ATG13: variants seen among roughly 807,000 people sequenced by gnomAD.
ATG13 encodes autophagy-related protein 13.
In ATG13, 23 loss-of-function variants were observed where a neutral mutation model predicts 65.5. That is an observed-to-expected ratio of 0.35 (90% CI 0.25 to 0.50). The LOEUF (loss-of-function observed/expected upper bound fraction) is 0.50, where lower values mean the gene tolerates loss of function less well. ATG13 is among the 20% of genes least tolerant of loss of function. The pLI is 0.98. For missense variants in ATG13, 566 were observed against 677.0 expected (o/e 0.84, Z 1.82); for synonymous variants, 252 against 245.2 (o/e 1.03, Z -0.26).
chr11:46,667,545 A>G (rs1252464115), intron 14 of ATG13, among the ~76,000 whole-genome samples: 1 of 152,186 alleles, frequency 6.6e-6, no homozygotes, highest in Non-Finnish European at 1.5e-5. Flanking sequence ...AAGAAGAAGA[A>G]AAGCTAGAAA....
At chr11:46,666,659 G>T (rs111446586) in intron 14 of ATG13, among the ~76,000 whole-genome samples, 2 of 152,288 alleles carry the variant, frequency 1.3e-5, no homozygotes, top group African/African-American at 4.8e-5. Context: ...CCTGAGCTCA[G>T]TTAGCTCACA....
chr11:46,666,937 A>T (rs1389369364), intron 14 of ATG13, among the ~76,000 whole-genome samples: 1 of 151,960 alleles, frequency 6.6e-6, no homozygotes, highest in African/African-American at 2.4e-5. Flanking sequence ...TGTGCCATCC[A>T]TCAGGAAAAA....
chr11:46,624,369 A>G (rs1419457266), intron 1 of ATG13, among the ~76,000 whole-genome samples: 1 of 152,180 alleles, frequency 6.6e-6, no homozygotes, highest in Admixed American at 6.6e-5. Context: ...AAATGTTGCC[A>G]GTTGTTTCAG....
chr11:46,669,032 T>C (rs2063085356), intron 17 of ATG13, 122 bp downstream of exon 17: 1 of 850,544 alleles, frequency 1.2e-6, no homozygotes, highest in South Asian at 1.6e-5. Flanking sequence ...ACAGAAGGGA[T>C]GGACAGGTGG....
intron 1 of ATG13, among the ~76,000 whole-genome samples, chr11:46,626,739 G>C (rs1335534251): frequency 1.3e-5 from 2 of 152,148 alleles, no homozygotes; most frequent in African/African-American, 2.4e-5. Context: ...GCTTGAACCA[G>C]TTATTCCTAT....
In ATG13 at chr11:46,654,704, A is replaced by G. The variant is rs149082383; in HGVS notation, c.459-1529A>G. Among the ~76,000 whole-genome samples, 31 of 152,254 alleles carry G rather than the reference A, an allele frequency of 2.0e-4. No homozygotes were observed. In the East Asian group the frequency reaches 6.0e-3, roughly 29 times the overall value. ...ACCACTGCACTCCAGCATGGGCAAC[A>G]CACTGAGACCCTGTCTCAAAAAAAA... On this transcript the variant is annotated intron_variant, in intron 7 of 18. Coordinates refer to ENST00000683050, the MANE Select transcript of ATG13 (RefSeq NM_001346311.2).
intron 2 of ATG13, among the ~76,000 whole-genome samples, chr11:46,634,404 T>G (rs2053161736): frequency 6.6e-6 from 1 of 151,550 alleles, no homozygotes; most frequent in African/African-American, 2.4e-5. Context: ...TTAATTTAGT[T>G]TTCTTTTTTT....
At chr11:46,632,976 G>A (rs1387461516) in intron 2 of ATG13, among the ~76,000 whole-genome samples, 1 of 140,266 alleles carries the variant, frequency 7.1e-6, no homozygotes, top group African/African-American at 2.7e-5. Flanking sequence ...CAGCCTGGGC[G>A]ACAGAGCAAG....
intron 2 of ATG13, among the ~76,000 whole-genome samples, chr11:46,633,637 G>A (rs1343125534): frequency 3.9e-5 from 6 of 151,992 alleles, no homozygotes; most frequent in Non-Finnish European, 8.8e-5. Flanking sequence ...GTGAGCCACC[G>A]TGCCTGGCCA....
chr11:46,636,721 A>T (rs1039373204), intron 2 of ATG13, among the ~76,000 whole-genome samples: 2 of 151,614 alleles, frequency 1.3e-5, no homozygotes, highest in African/African-American at 2.4e-5. Flanking sequence ...CCTCCCAAAG[A>T]GCTGGGATTA....
intron 18 of ATG13, 108 bp from the exon 19 acceptor site, chr11:46,672,147 T>C (rs2063886597): frequency 6.4e-7 from 1 of 1,560,538 alleles, no homozygotes; most frequent in African/African-American, 1.4e-5. Context: ...TCGGCCCAGC[T>C]AGGGCTGAGC....
Position 46,657,160 on chromosome 11 carries a change from T to C in ATG13, c.565T>C (p.Tyr189His). The C allele has an allele frequency of 6.2e-7, 1 of 1,614,126 alleles. No individual in the cohort carries two copies. The highest frequency in any genetic ancestry group is 8.5e-7 in the Non-Finnish European group (1 of 1,179,990). ...GGGCACCATCACTCTTTCTTGTGCT[T>C]ACAGAATTAACTTGGCATTCATGTC... ...PVGTITLSCAYRINLAFMSTR... is the reference protein window; with the variant it reads ...PVGTITLSCAHRINLAFMSTR... Residue 189 changes from tyrosine to histidine, a missense_variant, in exon 9 of 19, where the codon TAC becomes CAC. Transcript: ENST00000683050.
intron 2 of ATG13, among the ~76,000 whole-genome samples, chr11:46,634,223 G>C (rs2053074120): frequency 6.6e-6 from 1 of 151,690 alleles, no homozygotes; most frequent in African/African-American, 2.4e-5. Context: ...AGCCTCCTCA[G>C]TAGCTGGGAT....
chr11:46,646,073 C>T, intron 5 of ATG13, 84 bp downstream of exon 5: 2 of 1,535,434 alleles, frequency 1.3e-6, no homozygotes, highest in East Asian at 2.3e-5. Flanking sequence ...CAGTCTTATT[C>T]CTGCCCCTTT....
Position 46,650,307 on chromosome 11 carries a change from A to G in ATG13, c.448A>G (p.Ile150Val). Residue 150 changes from isoleucine to valine, a missense_variant, in exon 7 of 19, where the codon ATA becomes GTA. Physicochemically the swap from Ile to Val is conservative, Grantham distance 29. Coordinates refer to ENST00000683050, the MANE Select transcript of ATG13 (RefSeq NM_001346311.2). ...LSRKQGHEYV[I>V]LYRIYFGEVQ... ...CAGGAAACAAGGGCATGAATATGTC[A>G]TATTATACAGGTAAACAGCATAGAT... The G allele has an allele frequency of 1.2e-6, 2 of 1,613,790 alleles. No individual in the cohort carries two copies. The highest frequency in any genetic ancestry group is 1.7e-6 in the Non-Finnish European group (2 of 1,179,824).
At chr11:46,633,170 G>A (rs1165455514) in intron 2 of ATG13, among the ~76,000 whole-genome samples, 3 of 149,590 alleles carry the variant, frequency 2.0e-5, no homozygotes, top group South Asian at 2.1e-4. Flanking sequence ...GATTACAGGC[G>A]CCTGCCACCA....
intron 14 of ATG13, among the ~76,000 whole-genome samples, chr11:46,666,014 C>G (rs897921065): frequency 2.0e-5 from 3 of 151,886 alleles, no homozygotes; most frequent in African/African-American, 4.8e-5. Flanking sequence ...GTCATATTAC[C>G]TAGGCTGGTC....
intron 13 of ATG13, 81 bp from the exon 14 acceptor site, chr11:46,665,302 G>C: frequency 1.3e-6 from 2 of 1,519,800 alleles, no homozygotes; most frequent in Non-Finnish European, 9.0e-7. Context: ...GTCAAAAGCA[G>C]ATACCATCAT....
chr11:46,634,321 A>C (rs1418054468), intron 2 of ATG13, among the ~76,000 whole-genome samples: 1 of 151,490 alleles, frequency 6.6e-6, no homozygotes, highest in African/African-American at 2.4e-5. Context: ...GATGGTCGCG[A>C]TCTCCTGATC....
Sources: gnomAD v4.1 joint callset for allele counts (sites outside exome capture counted in the v4.1 genomes callset) on GRCh38, gnomAD v4.1.1 for gene constraint, MANE v1.5 for transcripts, NCBI Gene and HGNC (gene_info 2026-07-23, HGNC 2026-07-21) for gene names.